The following ACACA variants were observed in gnomAD, a reference collection of about 807,000 sequenced individuals.
ACACA encodes acetyl-CoA carboxylase 1.
ACACA carries 103 observed loss-of-function variants against 296.1 expected under a neutral mutation model. The ratio of observed to expected loss-of-function variants is 0.35; its 90% CI spans 0.30 to 0.41. The LOEUF (loss-of-function observed/expected upper bound fraction) is 0.41, where lower values mean the gene tolerates loss of function less well. Ranked by LOEUF, ACACA falls within the 10% of genes least tolerant of loss-of-function variation. The pLI, the probability that ACACA is intolerant of heterozygous loss-of-function variation, is 1.00. For missense variants in ACACA, 1,554 were observed against 2,989.7 expected, an observed-to-expected ratio of 0.52 and a Z score of 11.20; for synonymous variants, 953 against 1,038.6, an observed-to-expected ratio of 0.92 and a Z score of 1.58.
chr17:37,146,619 C>G (rs2075819338), intron 45 of ACACA, among the ~76,000 whole-genome samples: 2 of 144,206 alleles, frequency 1.4e-5, no homozygotes, highest in African/African-American at 5.2e-5. Flanking sequence ...CTTATTATTT[C>G]CACCGGAGCT....
At chr17:37,188,837 T>C (rs2077637550) in intron 38 of ACACA, among the ~76,000 whole-genome samples, 1 of 152,214 alleles carries the variant, frequency 6.6e-6, no homozygotes, top group African/African-American at 2.4e-5. Flanking sequence ...GAATAAAATC[T>C]CTAGTTAAAT....
chr17:37,230,075 ATAAAATAAAAT>A (rs1414213856), intron 25 of ACACA, among the ~76,000 whole-genome samples: 1 of 151,144 alleles, frequency 6.6e-6, no homozygotes, highest in Non-Finnish European at 1.5e-5. Context: ...ATAAAATAAA[ATAAAATAAAAT>A]TAAAATAAAT....
chr17:37,163,789 G>C (rs190951665), intron 41 of ACACA, among the ~76,000 whole-genome samples: 1 of 152,334 alleles, frequency 6.6e-6, no homozygotes, highest in East Asian at 1.9e-4. Context: ...TCTGCTCTCT[G>C]TTCAGCAGCA....
At position 37,111,631 on chromosome 17, in the gene ACACA, C is replaced by T. The variant is rs2073976141; in HGVS notation, c.6465G>A (p.Leu2155=). The T allele has an allele frequency of 6.2e-7, 1 of 1,613,574 alleles. No homozygotes were observed. The highest frequency in any genetic ancestry group is 2.2e-5 in the East Asian group (1 of 44,886). ...YADRESRGSV[L]EPEGTVEIKF... is the part of the protein sequence containing the mutation. ...TGATTTCTACTGTCCCTTCTGGCTCCAGAACAGATCCCCTGGATCAGAAAG... is the reference window on the plus strand; with the variant it reads ...TGATTTCTACTGTCCCTTCTGGCTCTAGAACAGATCCCCTGGATCAGAAAG... The change falls in exon 52 of 56, where the codon CTG becomes CTA. Residue 2155 remains leucine, a synonymous_variant. Transcript: ENST00000616317.
chr17:37,113,131 T>C lies in ACACA; in HGVS notation c.6409A>G (p.Ile2137Val). ...TACATCTCCATGTGCCGGGGGTTGA[T>C]GGAGGAGTCAATCACCACCCAGGAG... ...GGSWVVIDSS[I>V]NPRHMEMYAD... The change falls in exon 51 of 56, where the codon ATC becomes GTC. Residue 2137 changes from isoleucine (I) to valine (V), a missense_variant. Transcript: ENST00000616317. The surrounding 1 kb of genome is among the most constrained non-coding windows in gnomAD (Gnocchi z 4.0). 1 of 1,614,136 alleles carries C rather than the reference T, an allele frequency of 6.2e-7. No homozygotes were observed. The highest frequency in any genetic ancestry group is 8.5e-7 in the Non-Finnish European group (1 of 1,180,020).
At chr17:37,267,859 C>G (rs2081863503) in intron 10 of ACACA, among the ~76,000 whole-genome samples, 1 of 151,742 alleles carries the variant, frequency 6.6e-6, no homozygotes, top group South Asian at 2.1e-4. Flanking sequence ...CTCCTGGGTT[C>G]AAGTGATTCT....
At position 37,130,479 on chromosome 17, in the gene ACACA, A is replaced by G. The variant is rs1402729523; in HGVS notation, c.5680-261T>C. Among the ~76,000 whole-genome samples, 110 of 152,228 alleles carry G rather than the reference A, an allele frequency of 7.2e-4. 1 individual carries two copies. The highest frequency in any genetic ancestry group is 7.2e-3 in the Admixed American group (110 of 15,286). ...GAGATATACCTAATGCTAAATGACG[A>G]GTTAATGGGTGCAGCACACCAACGC... is the stretch of plus-strand genomic sequence containing the variant. On this transcript the variant is annotated intron_variant, in intron 45 of 55. Transcript: ENST00000616317.
chr17:37,179,510 G>C lies in ACACA; in HGVS notation c.4933-104C>G, dbSNP rs2077241443. The C allele has an allele frequency of 5.7e-6, 7 of 1,238,892 alleles. No individual in the cohort carries two copies. In the Admixed American group the frequency reaches 1.3e-4, roughly 23 times the overall value. The allele number at this position is 1,238,892 out of a possible 1,614,324, so 76.7% of individuals were successfully genotyped here. A position where few individuals can be genotyped will look rare whatever the true frequency, so the allele number is the denominator to read the frequency against. On this transcript the variant is annotated intron_variant, in intron 40 of 55. Coordinates refer to ENST00000616317, the MANE Select transcript of ACACA (RefSeq NM_198834.3). ...TCTGGTTTTGCCTTCTTTTCCAAGT[G>C]TTCTGCAGAGTGTAAACATTAGACT...
chr17:37,130,699 C>T (rs1477422832), intron 45 of ACACA, among the ~76,000 whole-genome samples: 5 of 152,254 alleles, frequency 3.3e-5, no homozygotes, highest in African/African-American at 9.6e-5. Flanking sequence ...AGCATACTTC[C>T]ACCCTCAGCT....
chr17:37,363,330 G>A (rs1394156386), intron 1 of ACACA, among the ~76,000 whole-genome samples: 1 of 151,506 alleles, frequency 6.6e-6, no homozygotes, highest in African/African-American at 2.4e-5. Context: ...TTACTGGCGC[G>A]TGCCACCATG....
rs1268550717 is a variant in ACACA at position 37,125,560 on chromosome 17, G to A, written c.6041+138C>T. 11 of 871,628 alleles carry A rather than the reference G, an allele frequency of 1.3e-5. No individual in the cohort carries two copies. In the Admixed American group the frequency reaches 1.7e-4, roughly 14 times the overall value. 54.0% of individuals were successfully genotyped at this position (871,628 alleles called of 1,614,324 possible). A position where few individuals can be genotyped will look rare whatever the true frequency, so the allele number is the denominator to read the frequency against. On this transcript the variant is annotated intron_variant, in intron 48 of 55. Coordinates refer to ENST00000616317, the MANE Select transcript of ACACA (RefSeq NM_198834.3). The stretch of plus-strand genomic sequence containing the variant: ...ACCAGCACTCCAATTATTTTGCCTT[G>A]GGCATGGCTATAATCCAATATTCTC...
chr17:37,239,278 G>T (rs1265503490), intron 24 of ACACA, among the ~76,000 whole-genome samples: 1 of 152,058 alleles, frequency 6.6e-6, no homozygotes, highest in Non-Finnish European at 1.5e-5. Context: ...AATCCTTTGA[G>T]GCTTTCTAAA....
chr17:37,120,112 C>CA (rs1456381084), intron 50 of ACACA, among the ~76,000 whole-genome samples: 2 of 151,904 alleles, frequency 1.3e-5, no homozygotes, highest in Non-Finnish European at 2.9e-5. Context: ...AGGCTGGTCT[C>CA]AAACTCCTGA....
chr17:37,364,204 G>C (rs1235035552), intron 1 of ACACA, among the ~76,000 whole-genome samples: 3 of 152,194 alleles, frequency 2.0e-5, no homozygotes, highest in Admixed American at 2.0e-4. Flanking sequence ...GACTGAGGCA[G>C]CAGAATCACT....
At chr17:37,218,045 G>C (rs1027839425) in intron 29 of ACACA, among the ~76,000 whole-genome samples, 4 of 150,688 alleles carry the variant, frequency 2.7e-5, no homozygotes, top group Non-Finnish European at 5.9e-5. Flanking sequence ...AAATATTGTA[G>C]TGTAACATCT....
At chr17:37,337,660 C>T (rs1315620436) in intron 2 of ACACA, among the ~76,000 whole-genome samples, 2 of 151,800 alleles carry the variant, frequency 1.3e-5, no homozygotes, top group Non-Finnish European at 2.9e-5. Flanking sequence ...CACATGTTGC[C>T]CAGCCTAGTC....
At chr17:37,340,042 T>G (rs546305230) in intron 1 of ACACA, among the ~76,000 whole-genome samples, 192 bp from the exon 2 acceptor site, 2 of 152,318 alleles carry the variant, frequency 1.3e-5, no homozygotes, top group South Asian at 4.1e-4. Flanking sequence ...TCAAACACAT[T>G]ACATAAAGAC....
intron 9 of ACACA, among the ~76,000 whole-genome samples, chr17:37,273,469 C>T (rs1405251465): frequency 6.6e-6 from 1 of 152,160 alleles, no homozygotes; most frequent in Non-Finnish European, 1.5e-5. Flanking sequence ...CTTGCTCCTC[C>T]CCAAGGGAAA....
intron 41 of ACACA, among the ~76,000 whole-genome samples, chr17:37,165,054 C>T (rs1335483677): frequency 6.6e-6 from 1 of 152,104 alleles, no homozygotes; most frequent in Non-Finnish European, 1.5e-5. Flanking sequence ...CACAGCAGCA[C>T]CAAGAACACA....
Sources: allele counts gnomAD v4.1 joint callset (sites outside exome capture counted in the v4.1 genomes callset), GRCh38; gene constraint gnomAD v4.1.1; non-coding constraint Gnocchi (gnomAD v3.1); transcripts MANE v1.5; gene names NCBI Gene and HGNC (gene_info 2026-07-23, HGNC 2026-07-21).